The following KIAA1217 variants were observed in gnomAD, a reference collection of about 807,000 sequenced individuals.
KIAA1217 encodes the protein sickle tail protein homolog.
In KIAA1217, 88 loss-of-function variants were observed where a neutral mutation model predicts 163.9. The observed-to-expected ratio is 0.54, with a 90% CI of 0.45 to 0.64. The LOEUF (loss-of-function observed/expected upper bound fraction) is 0.64. Among genes scored for constraint, KIAA1217 ranks in the 30% least tolerant of loss-of-function variants. The probability of loss-of-function intolerance (pLI) is 0.00; values close to 1 mark genes in which losing one functional copy is unlikely to be tolerated. For synonymous variants in KIAA1217, 903 were observed against 923.1 expected (o/e 0.98, Z 0.39); for missense variants, 2,372 against 2,475.0 (o/e 0.96, Z 0.88).
At chr10:24,427,439 G>C (rs1406140799) in intron 3 of KIAA1217, among the ~76,000 whole-genome samples, 2 of 152,188 alleles carry the variant, frequency 1.3e-5, no homozygotes, top group African/African-American at 2.4e-5. Flanking sequence ...CTTCAAGAAA[G>C]AGAGCATGGC....
At chr10:23,824,631 G>GAAA (rs1216051100) in intron 1 of KIAA1217, among the ~76,000 whole-genome samples, 3 of 11,376 alleles carry the variant, frequency 2.6e-4, no homozygotes, top group Non-Finnish European at 8.4e-4. Flanking sequence ...TCTGTCTCAA[G>GAAA]AAAAAAAAAA....
rs1591338487 is a variant in KIAA1217, at chr10:24,364,510, T to TA, written c.355-16359_355-16358insA. Among the ~76,000 whole-genome samples the TA allele has an allele frequency of 2.6e-5, 4 of 152,124 alleles. No individual in the cohort carries two copies. In the East Asian group the frequency reaches 7.7e-4, roughly 29 times the overall value. ...CATTTTGTAATCCTGAGAAAACTTA[T>TA]GTGTGATTATAGGATCCTGAGGCCT... On this transcript the variant is annotated intron_variant, in intron 2 of 20. Coordinates refer to ENST00000376454, the MANE Select transcript of KIAA1217 (RefSeq NM_019590.5).
At chr10:24,238,573 C>T (rs2072602710) in intron 2 of KIAA1217, among the ~76,000 whole-genome samples, 1 of 152,106 alleles carries the variant, frequency 6.6e-6, no homozygotes, top group South Asian at 2.1e-4. Context: ...ACACCTTTTC[C>T]TACCACCTCT....
At chr10:24,492,836 G>T (rs964400236) in intron 6 of KIAA1217, among the ~76,000 whole-genome samples, 2 of 136,818 alleles carry the variant, frequency 1.5e-5, no homozygotes, top group Admixed American at 1.5e-4. Flanking sequence ...TCTAGTGGAA[G>T]AACAGGCCAT....
chr10:23,868,571 C>G (rs1354246124), intron 1 of KIAA1217, among the ~76,000 whole-genome samples: 1 of 152,056 alleles, frequency 6.6e-6, no homozygotes, highest in Non-Finnish European at 1.5e-5. Context: ...CTTGTTTCTT[C>G]TGAAGGATGA....
intron 1 of KIAA1217, among the ~76,000 whole-genome samples, chr10:24,212,794 A>C (rs543215354): frequency 6.6e-6 from 1 of 152,132 alleles, no homozygotes; most frequent in Non-Finnish European, 1.5e-5. Context: ...CACAGCAAGG[A>C]CCATGTTTTA....
At chr10:24,102,116 C>T (rs1270588097) in intron 2 of KIAA1217, among the ~76,000 whole-genome samples, 1 of 152,098 alleles carries the variant, frequency 6.6e-6, no homozygotes, top group African/African-American at 2.4e-5. Flanking sequence ...TCTTTGGTCA[C>T]AGATGACATG....
chr10:24,433,336 T>A, intron 4 of KIAA1217, 143 bp downstream of exon 4: 1 of 645,948 alleles, frequency 1.5e-6, no homozygotes, highest in Non-Finnish European at 2.6e-6. Context: ...GTTTTTTGTT[T>A]TTTGTTTGGT....
chr10:24,441,481 G>A (rs1210033519), intron 5 of KIAA1217, among the ~76,000 whole-genome samples: 3 of 152,170 alleles, frequency 2.0e-5, no homozygotes, highest in African/African-American at 7.2e-5. Context: ...GCGGTTTTAT[G>A]ATTGGAAATG....
At chr10:24,403,559 G>A (rs539310985) in intron 3 of KIAA1217, among the ~76,000 whole-genome samples, 21 of 152,226 alleles carry the variant, frequency 1.4e-4, no homozygotes, top group African/African-American at 5.1e-4. Context: ...TAACAGGATG[G>A]AAAGACAAGC....
At chr10:23,822,517 T>C (rs1475429281) in intron 1 of KIAA1217, among the ~76,000 whole-genome samples, 2 of 152,224 alleles carry the variant, frequency 1.3e-5, no homozygotes, top group Admixed American at 1.3e-4. Context: ...TTGCTGATGT[T>C]GTTTTGTGTT....
At chr10:24,079,195 A>G (rs2061462854) in intron 2 of KIAA1217, among the ~76,000 whole-genome samples, 1 of 152,252 alleles carries the variant, frequency 6.6e-6, no homozygotes, top group Non-Finnish European at 1.5e-5. Context: ...GGGAAAAGAC[A>G]ACTATGAAAG....
At chr10:23,768,482 A>G (rs1159932472) in intron 1 of KIAA1217, among the ~76,000 whole-genome samples, 1 of 152,212 alleles carries the variant, frequency 6.6e-6, no homozygotes. Flanking sequence ...TTAAATGCTC[A>G]ATTAATATTT....
At chr10:23,916,392 A>T (rs1442784794) in intron 1 of KIAA1217, among the ~76,000 whole-genome samples, 1 of 152,166 alleles carries the variant, frequency 6.6e-6, no homozygotes, top group Admixed American at 6.5e-5. Flanking sequence ...AGCCCGGCTC[A>T]GTTGGTTCCT....
At chr10:24,305,961 A>G (rs1469082561) in intron 2 of KIAA1217, among the ~76,000 whole-genome samples, 1 of 152,064 alleles carries the variant, frequency 6.6e-6, no homozygotes, top group Non-Finnish European at 1.5e-5. Flanking sequence ...CAACAAGGGA[A>G]ACCATGCTGG....
upstream of KIAA1217, among the ~76,000 whole-genome samples, chr10:24,207,282 T>TCACA (rs71397934): frequency 0.045 from 6,373 of 140,168 alleles, 205 homozygotes; most frequent in Admixed American, 0.1. Context: ...TCTCTCTCTC[T>TCACA]CACACACACA....
intron 5 of KIAA1217, among the ~76,000 whole-genome samples, chr10:24,443,353 A>G (rs2060656977): frequency 6.6e-6 from 1 of 152,176 alleles, no homozygotes; most frequent in African/African-American, 2.4e-5. Context: ...ATTTAAACCC[A>G]GGCACCGTGG....
intron 2 of KIAA1217, among the ~76,000 whole-genome samples, chr10:24,132,314 C>T (rs557756972): frequency 3.3e-5 from 5 of 152,294 alleles, no homozygotes; most frequent in Admixed American, 2.0e-4. Flanking sequence ...CAGTCTGTCA[C>T]ATCATCAATA....
intron 2 of KIAA1217, among the ~76,000 whole-genome samples, chr10:24,066,007 C>G (rs142748232): frequency 0.068 from 10,340 of 152,066 alleles, 1,181 homozygotes; most frequent in African/African-American, 0.24. Context: ...AGATCTTCCT[C>G]CCTCCCTTTA....
Sources: gnomAD v4.1 joint callset for allele counts (sites outside exome capture counted in the v4.1 genomes callset) on GRCh38, gnomAD v4.1.1 for gene constraint, MANE v1.5 for transcripts, NCBI Gene and HGNC (gene_info 2026-07-23, HGNC 2026-07-21) for gene names.